Variants in TENT4A observed in about 807,000 individuals in gnomAD.
TENT4A encodes the protein DNA polymerase kappa.
A neutral mutation model predicts 72.8 loss-of-function variants in TENT4A; 7 were observed. That is an observed-to-expected ratio of 0.10 (90% CI 0.05 to 0.18). The LOEUF is 0.18. Ranked by LOEUF, TENT4A falls within the 10% of genes least tolerant of loss-of-function variation. TENT4A has a pLI of 1.00. For missense variants in TENT4A, 831 were observed against 1,017.7 expected (o/e 0.82, Z 2.50); for synonymous variants, 456 against 434.3 (o/e 1.05, Z -0.62).
chr5:6,748,224 A>T (rs1301366779), intron 7 of TENT4A, among the ~76,000 whole-genome samples: 3 of 152,202 alleles, frequency 2.0e-5, no homozygotes, highest in African/African-American at 2.4e-5. Context: ...GGCACTGATG[A>T]TGCAGACCAG....
intron 1 of TENT4A, among the ~76,000 whole-genome samples, chr5:6,719,855 T>C (rs796423832): frequency 6.6e-6 from 1 of 152,228 alleles, no homozygotes; most frequent in African/African-American, 2.4e-5. Flanking sequence ...CACTCACTTA[T>C]GGTCTTAAGG....
At chr5:6,730,134 T>G (rs1425634125) in intron 1 of TENT4A, among the ~76,000 whole-genome samples, 1 of 152,060 alleles carries the variant, frequency 6.6e-6, no homozygotes, top group Non-Finnish European at 1.5e-5. Flanking sequence ...GCATGGCATT[T>G]GCAGCATTTG....
intron 1 of TENT4A, among the ~76,000 whole-genome samples, chr5:6,722,831 T>G (rs568582704): frequency 3.3e-5 from 5 of 152,334 alleles, no homozygotes; most frequent in African/African-American, 1.2e-4. Context: ...GAACATTAAG[T>G]AGGCAACTAG....
chr5:6,730,094 C>T (rs935199116), intron 1 of TENT4A, among the ~76,000 whole-genome samples: 1 of 97,308 alleles, frequency 1.0e-5, no homozygotes, highest in African/African-American at 3.2e-5. Context: ...GTTGTTTCTC[C>T]GCCCCCCCCC....
intron 1 of TENT4A, among the ~76,000 whole-genome samples, chr5:6,728,045 C>T (rs1051028623): frequency 2.6e-5 from 4 of 152,172 alleles, no homozygotes; most frequent in East Asian, 1.9e-4. Flanking sequence ...AGTCCTTTCT[C>T]GAATAGTTGT....
chr5:6,742,223 C>T (rs1440526109), intron 4 of TENT4A, among the ~76,000 whole-genome samples: 1 of 152,156 alleles, frequency 6.6e-6, no homozygotes, highest in Admixed American at 6.5e-5. Flanking sequence ...CCTGTTGGCT[C>T]CCTCCCCTCA....
chr5:6,739,571 A>T (rs1207454851), intron 3 of TENT4A, among the ~76,000 whole-genome samples, 161 bp from the exon 4 acceptor site: 1 of 152,220 alleles, frequency 6.6e-6, no homozygotes, highest in Non-Finnish European at 1.5e-5. Flanking sequence ...GCTGTAGTTC[A>T]TGAACTGCAC....
chr5:6,740,644 C>T (rs1407049850), intron 4 of TENT4A, among the ~76,000 whole-genome samples: 6 of 152,184 alleles, frequency 3.9e-5, no homozygotes, highest in African/African-American at 1.2e-4. Flanking sequence ...AGTTTTAAAA[C>T]ATGATATATG....
At position 6,728,433 on chromosome 5, in the gene TENT4A, G is replaced by A. The variant is rs538538201; in HGVS notation, c.717-9077G>A. On this transcript the variant is annotated intron_variant, in intron 1 of 12. Coordinates refer to ENST00000230859, the MANE Select transcript of TENT4A (RefSeq NM_006999.6). ...GGTTGGCCTTACTGGTGTGGTTGGGGCACTTGGGAGAACGCCTTCCTCACA... is the reference window on the plus strand; with the variant it reads ...GGTTGGCCTTACTGGTGTGGTTGGGACACTTGGGAGAACGCCTTCCTCACA... Among the ~76,000 whole-genome samples the A allele has an allele frequency of 1.3e-5, 2 of 152,352 alleles. 1 individual carries two copies. Among genetic ancestry groups the A allele is most frequent in the African/African-American group, 4.8e-5 (2 of 41,586 alleles).
At position 6,752,902 on chromosome 5, in the gene TENT4A, A is replaced by G. The variant is rs775213343; in HGVS notation, c.2049A>G (p.Leu683=). The G allele has an allele frequency of 3.7e-6, 6 of 1,613,938 alleles. No individual in the cohort carries two copies. In the African/African-American group the frequency reaches 6.7e-5, roughly 18 times the overall value. ...GGTTTACTATACCTCCACCGACCCTAGGGGTTGCTCCTGTTCCTTGCAGAC... is the reference window on the plus strand; with the variant it reads ...GGTTTACTATACCTCCACCGACCCTGGGGGTTGCTCCTGTTCCTTGCAGAC... ...QTRFTIPPPT[L]GVAPVPCRQA... The change falls in exon 12 of 13, where the codon CTA becomes CTG. Residue 683 remains leucine, a synonymous_variant. Transcript: ENST00000230859.
At chr5:6,737,692 C>G (rs937164179) in intron 2 of TENT4A, 59 bp downstream of exon 2, 1 of 1,554,174 alleles carries the variant, frequency 6.4e-7, no homozygotes, top group Non-Finnish European at 8.7e-7. Context: ...TTTAAATACC[C>G]TGTGATGATG....
intron 1 of TENT4A, among the ~76,000 whole-genome samples, chr5:6,724,451 G>T (rs1037286776): frequency 9.9e-5 from 15 of 152,224 alleles, no homozygotes; most frequent in Non-Finnish European, 2.1e-4. Context: ...GTGTCATTAT[G>T]AGTTACCTCA....
intron 11 of TENT4A, 121 bp from the exon 12 acceptor site, chr5:6,752,752 A>G (rs1185013181): frequency 3.9e-6 from 3 of 764,162 alleles, no homozygotes; most frequent in Non-Finnish European, 4.4e-6. Context: ...AGACTGCTCT[A>G]TGGAGCCCAC....
Position 6,749,664 on chromosome 5 carries a change from GATTA to G in TENT4A, c.1687+11_1687+14del, listed in dbSNP as rs766204845. On this transcript the variant is annotated splice_region_variant and intron_variant, in intron 9 of 12. Transcript: ENST00000230859. ...CACCCGTCGCCAGGCATGGGTGAGA[GATTA>G]ATTCATTTGTGTTCATCCTAACCAC... 89 of 1,581,368 alleles carry G rather than the reference GATTA, an allele frequency of 5.6e-5. No homozygotes were observed. The Admixed American group carries it at 1.5e-3, about 26-fold the overall frequency.
chr5:6,749,750 T>A, intron 9 of TENT4A, 93 bp downstream of exon 9: 1 of 815,082 alleles, frequency 1.2e-6, no homozygotes, highest in Non-Finnish European at 2.1e-6. Context: ...TTGGTCAAAT[T>A]AAGAAAATAG....
chr5:6,750,796 A>T, intron 10 of TENT4A: 1 of 542,626 alleles, frequency 1.8e-6, no homozygotes, highest in Non-Finnish European at 3.2e-6. Flanking sequence ...TTATTTGAAG[A>T]TTAAAAAAAA....
At chr5:6,733,390 C>G (rs868448110) in intron 1 of TENT4A, among the ~76,000 whole-genome samples, 6 of 152,224 alleles carry the variant, frequency 3.9e-5, no homozygotes, top group South Asian at 4.1e-4. Context: ...CCCAGGGCTG[C>G]CTAGGGCTCT....
At position 6,750,454 on chromosome 5, in the gene TENT4A, C is replaced by T; in HGVS notation, c.1811C>T (p.Ser604Phe). 6.2e-7 allele frequency: 1 copy of T among 1,610,626 alleles called. No individual in the cohort carries two copies. The highest frequency in any genetic ancestry group is 8.5e-7 in the Non-Finnish European group (1 of 1,178,438). Residue 604 changes from serine (S) to phenylalanine (F), a missense_variant, in exon 10 of 13, where the codon TCT becomes TTT. Transcript: ENST00000230859. ...TCGCTGTCCAGCCCCCAGCTCCTGT[C>T]TTCAGGCTCCTCGGCCTCTTCTGTG... ...TLSLSSPQLL[S>F]SGSSASSVSS...
chr5:6,722,440 TG>T (rs1241414821), intron 1 of TENT4A, among the ~76,000 whole-genome samples: 1 of 151,638 alleles, frequency 6.6e-6, no homozygotes, highest in Admixed American at 6.6e-5. Context: ...GTCTTGGGAG[TG>T]GGGGGCTAGA....
Sources: gnomAD v4.1 joint callset for allele counts (sites outside exome capture counted in the v4.1 genomes callset) on GRCh38, gnomAD v4.1.1 for gene constraint, MANE v1.5 for transcripts, NCBI Gene and HGNC (gene_info 2026-07-23, HGNC 2026-07-21) for gene names.